P2RY12: variants seen among roughly 807,000 people sequenced by gnomAD.
The protein encoded by P2RY12 is P2Y purinoceptor 12.
A neutral mutation model predicts 4.5 loss-of-function variants in P2RY12; 3 were observed. The ratio of observed to expected loss-of-function variants is 0.67; its 90% CI spans 0.31 to 1.74. P2RY12 has a LOEUF of 1.74. Among genes scored for constraint, P2RY12 ranks in the 40% most tolerant of loss-of-function variants. The pLI is 0.09. For synonymous variants in P2RY12, 148 were observed against 154.1 expected (o/e 0.96, Z 0.29); for missense variants, 356 against 407.8 (o/e 0.87, Z 1.09).
At chr3:151,384,120 T>A in intron 1 of P2RY12, 1 of 1,614,062 alleles carries the variant, frequency 6.2e-7, no homozygotes, top group Non-Finnish European at 8.5e-7. Context: ...GCTGGGTGTT[T>A]TAATCAATGG....
intron 1 of P2RY12, among the ~76,000 whole-genome samples, chr3:151,346,763 C>G (rs568842663): frequency 1.3e-5 from 2 of 152,142 alleles, no homozygotes; most frequent in African/African-American, 4.8e-5. Flanking sequence ...TTGCACCCCT[C>G]CCAGGACTTG....
chr3:151,338,353 T>A lies in P2RY12; in HGVS notation c.493A>T (p.Arg165Trp), dbSNP rs1751321549. ...TTCACATTCTTGTCTCTCGGCTGCCTGTTGGTCAGAATCATGTTAGGCAAA... is the reference window on the plus strand; with the variant it reads ...TTCACATTCTTGTCTCTCGGCTGCCAGTTGGTCAGAATCATGTTAGGCAAA... ...LSLPNMILTN[R>W]QPRDKNVKKC... The change falls in exon 3 of 3, where the codon AGG becomes TGG. Residue 165 changes from arginine to tryptophan, a missense_variant. Arg to Trp is a moderately radical substitution (Grantham distance 101). Coordinates refer to ENST00000302632, the MANE Select transcript of P2RY12 (RefSeq NM_022788.5). 1 of 1,614,154 alleles carries A rather than the reference T, an allele frequency of 6.2e-7. No individual in the cohort carries two copies. The highest frequency in any genetic ancestry group is 8.5e-7 in the Non-Finnish European group (1 of 1,180,016).
In P2RY12 at chr3:151,336,997, A is replaced by G. The variant is rs986220635; in HGVS notation, c.*820T>C. On this transcript the variant is annotated 3_prime_UTR_variant, in exon 3 of 3. Coordinates refer to ENST00000302632, the MANE Select transcript of P2RY12 (RefSeq NM_022788.5). ...TTTTCACTAAGGTAAAATGTTCATT[A>G]ACCTAATTAGCAGCTATTTTCTAGA... 6.6e-6 allele frequency: 1 copy of G among 152,350 alleles called. No homozygotes were observed. Among genetic ancestry groups the G allele is most frequent in the Non-Finnish European group, 1.5e-5 (1 of 68,144 alleles). The allele number at this position is 152,350 out of a possible 1,614,324, so 9.4% of individuals were successfully genotyped here. A position where few individuals can be genotyped will look rare whatever the true frequency, so the allele number is the denominator to read the frequency against.
At chr3:151,369,924 A>G (rs1338239721) in intron 1 of P2RY12, among the ~76,000 whole-genome samples, 1 of 152,156 alleles carries the variant, frequency 6.6e-6, no homozygotes, top group Non-Finnish European at 1.5e-5. Context: ...TTTTATCCAG[A>G]TTATATTTCA....
chr3:151,365,727 A>T (rs1242393714), intron 1 of P2RY12: 1 of 859,524 alleles, frequency 1.2e-6, no homozygotes, highest in Non-Finnish European at 1.7e-6. Context: ...TGAGTATTTT[A>T]TCTGTGAATC....
intron 1 of P2RY12, among the ~76,000 whole-genome samples, chr3:151,375,061 T>G (rs537573909): frequency 1.3e-5 from 2 of 152,386 alleles, no homozygotes; most frequent in South Asian, 4.1e-4. Context: ...CATAGTCATA[T>G]AAGTATTGAG....
intron 1 of P2RY12, chr3:151,364,955 T>TA (rs776001566): frequency 1.3e-6 from 2 of 1,541,086 alleles, no homozygotes; most frequent in Admixed American, 3.4e-5. Flanking sequence ...TTTTCTGTTT[T>TA]AACTTTTTTT....
Position 151,367,691 on chromosome 3 carries a change from A to G in P2RY12, c.-180+17001T>C, listed in dbSNP as rs1755452288. The G allele has an allele frequency of 6.2e-7, 1 of 1,611,742 alleles. No homozygotes were observed. Among genetic ancestry groups the G allele is most frequent in the Non-Finnish European group, 8.5e-7 (1 of 1,178,568 alleles). ...TGATTCATTAGCTACTTTCATTGCT[A>G]TTCTGATAGCACGACAGTGTTTTTC... On this transcript the variant is annotated intron_variant, in intron 1 of 2. Coordinates refer to ENST00000302632, the MANE Select transcript of P2RY12 (RefSeq NM_022788.5).
chr3:151,349,757 A>G (rs1328287849), intron 1 of P2RY12, among the ~76,000 whole-genome samples: 1 of 152,192 alleles, frequency 6.6e-6, no homozygotes, highest in Non-Finnish European at 1.5e-5. Flanking sequence ...ACCATGTTCA[A>G]TTTTAAACAA....
chr3:151,382,330 C>T (rs1405215371), intron 1 of P2RY12, among the ~76,000 whole-genome samples: 1 of 152,070 alleles, frequency 6.6e-6, no homozygotes, highest in Non-Finnish European at 1.5e-5. Flanking sequence ...CAGTGTTTTT[C>T]TTCGTAAGAT....
intron 1 of P2RY12, among the ~76,000 whole-genome samples, chr3:151,354,905 T>G (rs1240832282): frequency 6.6e-6 from 1 of 152,170 alleles, no homozygotes; most frequent in Non-Finnish European, 1.5e-5. Flanking sequence ...TTTGATCTCC[T>G]AGGGAGGGAG....
chr3:151,371,579 CTT>C (rs1756194416), intron 1 of P2RY12, among the ~76,000 whole-genome samples: 1 of 152,092 alleles, frequency 6.6e-6, no homozygotes, highest in Admixed American at 6.5e-5. Flanking sequence ...AAAGTCAAAA[CTT>C]TTTCTTGGTT....
At chr3:151,361,426 G>A (rs1360076209) in intron 1 of P2RY12, among the ~76,000 whole-genome samples, 1 of 69,410 alleles carries the variant, frequency 1.4e-5, no homozygotes, top group Non-Finnish European at 2.6e-5. Flanking sequence ...ATGTTTCCTG[G>A]TATGAAAAAA....
In P2RY12 at chr3:151,377,100, T is replaced by C. The variant is rs1299658184; in HGVS notation, c.-180+7592A>G. ...CTAAATAATTCTTCTAATTCTGGCA[T>C]GAGCCTCTTCAACCCAAACAGTATT... On this transcript the variant is annotated intron_variant, in intron 1 of 2. Coordinates refer to ENST00000302632, the MANE Select transcript of P2RY12 (RefSeq NM_022788.5). 5 of 1,614,002 alleles carry C rather than the reference T, an allele frequency of 3.1e-6. No individual in the cohort carries two copies. Among genetic ancestry groups the C allele is most frequent in the East Asian group, 2.2e-5 (1 of 44,880 alleles).
chr3:151,356,441 T>C (rs966383783), intron 1 of P2RY12, among the ~76,000 whole-genome samples: 1 of 152,092 alleles, frequency 6.6e-6, no homozygotes, highest in Non-Finnish European at 1.5e-5. Context: ...AATGAACCAA[T>C]TGCTGTACAT....
At chr3:151,355,433 G>A (rs1753788592) in intron 1 of P2RY12, among the ~76,000 whole-genome samples, 1 of 152,080 alleles carries the variant, frequency 6.6e-6, no homozygotes, top group Non-Finnish European at 1.5e-5. Flanking sequence ...TTTTTATTAT[G>A]TACTTTTTTT....
At chr3:151,377,305 A>G (rs6770918) in intron 1 of P2RY12, 59,719 of 710,596 alleles carry the variant, frequency 0.084, 3,248 homozygotes, top group African/African-American at 0.22. Context: ...GTAAGCAGGG[A>G]TTATTATTAA....
chr3:151,343,220 CCAT>C (rs1752095107), intron 1 of P2RY12, among the ~76,000 whole-genome samples: 1 of 152,076 alleles, frequency 6.6e-6, no homozygotes, highest in Admixed American at 6.6e-5. Flanking sequence ...TTTTCTAAGA[CCAT>C]CAAATGAAAC....
intron 1 of P2RY12, among the ~76,000 whole-genome samples, chr3:151,358,967 A>G (rs895583630): frequency 6.6e-6 from 1 of 152,172 alleles, no homozygotes; most frequent in Non-Finnish European, 1.5e-5. Context: ...CAGATTTATT[A>G]CAGGTTTATT....
Sources: allele counts gnomAD v4.1 joint callset (sites outside exome capture counted in the v4.1 genomes callset), GRCh38; gene constraint gnomAD v4.1.1; transcripts MANE v1.5; gene names NCBI Gene and HGNC (gene_info 2026-07-23, HGNC 2026-07-21).